Variants in PALM observed in about 807,000 individuals in gnomAD.
PALM encodes the protein paralemmin.
In PALM, 18 loss-of-function variants were observed where a neutral mutation model predicts 30.7. The observed-to-expected ratio is 0.59, with a 90% CI of 0.41 to 0.87. The LOEUF is 0.87. Ranked by LOEUF, PALM falls within the 40% of genes least tolerant of loss-of-function variation. The probability of loss-of-function intolerance (pLI) is 0.00; values close to 1 mark genes in which losing one functional copy is unlikely to be tolerated. For missense variants in PALM, 529 were observed against 555.4 expected (o/e 0.95, Z 0.48); for synonymous variants, 286 against 242.8 (o/e 1.18, Z -1.66).
At chr19:732,832 C>G (rs2032914557) in intron 5 of PALM, among the ~76,000 whole-genome samples, 1 of 152,032 alleles carries the variant, frequency 6.6e-6, no homozygotes, top group African/African-American at 2.4e-5. Context: ...GTGGAATCCC[C>G]AAGGAAGTGC....
chr19:725,277 G>T (rs1376166807), intron 1 of PALM, among the ~76,000 whole-genome samples: 3 of 151,680 alleles, frequency 2.0e-5, no homozygotes, highest in African/African-American at 7.3e-5. Flanking sequence ...ACAATGATTG[G>T]GCCGGGCGCG....
At chr19:726,290 A>T in intron 2 of PALM, 101 bp downstream of exon 2, 1 of 914,082 alleles carries the variant, frequency 1.1e-6, no homozygotes, top group South Asian at 1.4e-5. Context: ...GAACCAGGGC[A>T]TGGTGGGTGG....
chr19:731,215 C>T lies in PALM; in HGVS notation c.390C>T (p.Arg130=). The T allele has an allele frequency of 1.2e-6, 2 of 1,611,324 alleles. No homozygotes were observed. The highest frequency in any genetic ancestry group is 1.1e-5 in the South Asian group (1 of 90,658). The change falls in exon 5 of 9, where the codon CGC becomes CGT. Residue 130 remains arginine (R), a synonymous_variant. Transcript: ENST00000338448. ...APAPSPAKEE[R]KTEVVMNSQQ... is the part of the protein sequence containing the mutation. Reference sequence around the variant, plus strand: ...CCCCGAGTCCAGCCAAGGAGGAGCGCAAGACAGAGGTGGTGATGAATTCAC... The same window carrying T: ...CCCCGAGTCCAGCCAAGGAGGAGCGTAAGACAGAGGTGGTGATGAATTCAC...
chr19:733,951 A>G (rs138913421), intron 5 of PALM, among the ~76,000 whole-genome samples: 1 of 152,022 alleles, frequency 6.6e-6, no homozygotes, highest in South Asian at 2.1e-4. Flanking sequence ...GCCCCATTGC[A>G]CTCCGGCCTG....
chr19:719,648 C>T (rs1189772039), intron 1 of PALM: 2 of 985,186 alleles, frequency 2.0e-6, no homozygotes, highest in African/African-American at 1.7e-5. Flanking sequence ...TCAGCTCCTC[C>T]GCCCAGCATG....
intron 1 of PALM, among the ~76,000 whole-genome samples, chr19:710,798 C>A (rs1230355322): frequency 1.3e-5 from 2 of 152,344 alleles, no homozygotes; most frequent in East Asian, 3.9e-4. Context: ...GGGATGCAGA[C>A]ATGGGACAGG....
chr19:716,673 A>G (rs1390915433), intron 1 of PALM, among the ~76,000 whole-genome samples: 2 of 152,116 alleles, frequency 1.3e-5, no homozygotes, highest in Admixed American at 6.6e-5. Context: ...GCTTCCAGCC[A>G]TGGAAAGTCT....
intron 1 of PALM, among the ~76,000 whole-genome samples, chr19:724,828 T>C (rs1471627717): frequency 1.3e-5 from 2 of 151,994 alleles, no homozygotes; most frequent in African/African-American, 4.8e-5. Context: ...CTTACTAGAT[T>C]GCCTAGGCTG....
At chr19:737,954 G>A (rs1475325856) in intron 7 of PALM, among the ~76,000 whole-genome samples, 4 of 152,200 alleles carry the variant, frequency 2.6e-5, no homozygotes, top group Non-Finnish European at 5.9e-5. Context: ...GTGACTGCAG[G>A]GAGAACAGAC....
intron 1 of PALM, among the ~76,000 whole-genome samples, chr19:717,424 T>A (rs953819501): frequency 1.3e-5 from 2 of 152,000 alleles, no homozygotes; most frequent in Non-Finnish European, 2.9e-5. Flanking sequence ...GTGTCTGGCG[T>A]CTCTCACTGA....
chr19:740,572 C>A, intron 8 of PALM, 89 bp downstream of exon 8: 1 of 1,224,086 alleles, frequency 8.2e-7, no homozygotes, highest in Non-Finnish European at 1.1e-6. Context: ...GCGTCTGCCC[C>A]GGAATCAGGA....
chr19:719,540 C>A, intron 1 of PALM: 1 of 985,448 alleles, frequency 1.0e-6, no homozygotes, highest in Non-Finnish European at 1.2e-6. Flanking sequence ...GGCTCGGAGA[C>A]CCAGCACCTG....
rs545882917 is a variant in PALM, at chr19:709,688, G to T, written c.5+537G>T. Among the ~76,000 whole-genome samples, 1 of 152,264 alleles carries T rather than the reference G, an allele frequency of 6.6e-6. No homozygotes were observed. The highest frequency in any genetic ancestry group is 2.1e-4 in the South Asian group (1 of 4,828). On this transcript the variant is annotated intron_variant, in intron 1 of 8. Coordinates refer to ENST00000338448, the MANE Select transcript of PALM (RefSeq NM_002579.3). The surrounding 1 kb of genome is among the most constrained non-coding windows in gnomAD (Gnocchi z 4.3). ...GGTGTCCTGAGCCCCCCGCCACTGC[G>T]CAGGTCCCGAGTTACCGCTGGAGGG...
intron 1 of PALM, among the ~76,000 whole-genome samples, chr19:721,541 C>G (rs551151497): frequency 1.3e-5 from 2 of 152,152 alleles, no homozygotes; most frequent in Non-Finnish European, 2.9e-5. Flanking sequence ...GCTAGGATTA[C>G]AGGCATGAGC....
chr19:729,147 C>T (rs1266145710), intron 4 of PALM, among the ~76,000 whole-genome samples: 3 of 150,366 alleles, frequency 2.0e-5, no homozygotes, highest in East Asian at 2.0e-4. Context: ...GCCAAGATGG[C>T]GAAACCCAGT....
At chr19:710,583 C>T (rs1193007463) in intron 1 of PALM, among the ~76,000 whole-genome samples, 2 of 152,074 alleles carry the variant, frequency 1.3e-5, no homozygotes, top group Non-Finnish European at 2.9e-5. Flanking sequence ...CCGGGTCGGG[C>T]CCATTGTTTC....
intron 1 of PALM, chr19:722,644 G>A (rs1301145096): frequency 6.6e-6 from 1 of 152,294 alleles, no homozygotes; most frequent in African/African-American, 2.4e-5. Flanking sequence ...TGGGGAACTT[G>A]GGGTAGGCAG....
Position 746,818 on chromosome 19 carries a change from G to A in PALM, c.*4G>A, listed in dbSNP as rs752662653. 2.7e-6 allele frequency: 4 copies of A among 1,508,218 alleles called. No individual in the cohort carries two copies. Among genetic ancestry groups the A allele is most frequent in the East Asian group, 2.4e-5 (1 of 40,910 alleles). 93.4% of individuals were successfully genotyped at this position (1,508,218 alleles called of 1,614,324 possible). On this transcript the variant is annotated 3_prime_UTR_variant, in exon 9 of 9. Transcript: ENST00000338448. This position sits in a 1 kb window ranked among gnomAD's most constrained non-coding sequence, Gnocchi z 7.1. ...TAAATGCTGCTCCATCATGTGAGCCGGCCCCCGAGACCCCGGCCCCCACCC... is the reference window on the plus strand; with the variant it reads ...TAAATGCTGCTCCATCATGTGAGCCAGCCCCCGAGACCCCGGCCCCCACCC...
chr19:727,619 AG>A lies in PALM; in HGVS notation c.199del (p.Asp67MetfsTer4). ...GAGGGGACGCCGTCCTCGGCCTCAG[AG>A]GGGGATGAGGACCTGAGGAGGCAGA... is the stretch of plus-strand genomic sequence containing the variant. ...LLEGTPSSASEGDEDLRRQMQ... is the reference protein window; with the variant it reads ...LLEGTPSSASXGDEDLRRQMQ... On this transcript the variant is annotated frameshift_variant, in exon 4 of 9. Coordinates refer to ENST00000338448, the MANE Select transcript of PALM (RefSeq NM_002579.3). LOFTEE classifies it high-confidence loss of function. 1 of 1,577,268 alleles carries A rather than the reference AG, an allele frequency of 6.3e-7. No homozygotes were observed. The highest frequency in any genetic ancestry group is 8.6e-7 in the Non-Finnish European group (1 of 1,161,900).
Sources: gnomAD v4.1 joint callset for allele counts (sites outside exome capture counted in the v4.1 genomes callset) on GRCh38, gnomAD v4.1.1 for gene constraint, Gnocchi (gnomAD v3.1) non-coding constraint, MANE v1.5 for transcripts, NCBI Gene and HGNC (gene_info 2026-07-23, HGNC 2026-07-21) for gene names.